The following TBC1D16 variants were observed in gnomAD, a reference collection of about 807,000 sequenced individuals.
TBC1D16 encodes TBC1 domain family member 16, also known as CTD-2529O21.1.
A neutral mutation model predicts 74.7 loss-of-function variants in TBC1D16; 58 were observed. The observed-to-expected ratio is 0.78, with a 90% confidence interval of 0.63 to 0.97. TBC1D16 has a LOEUF of 0.97. Among genes scored for constraint, TBC1D16 ranks in the 50% least tolerant of loss-of-function variants. The pLI is 0.00. For missense variants in TBC1D16, 1,014 were observed against 1,079.5 expected, an observed-to-expected ratio of 0.94 and a Z score of 0.85; for synonymous variants, 493 against 474.7, an observed-to-expected ratio of 1.04 and a Z score of -0.50.
chr17:79,993,975 C>T lies in TBC1D16; in HGVS notation c.779+16185G>A, dbSNP rs1390817259. Among the ~76,000 whole-genome samples the T allele has an allele frequency of 6.6e-6, 1 of 152,142 alleles. No individual in the cohort carries two copies. Among genetic ancestry groups the T allele is most frequent in the Non-Finnish European group, 1.5e-5 (1 of 68,024 alleles). On this transcript the variant is annotated intron_variant, in intron 3 of 11. Transcript: ENST00000310924. The surrounding 1 kb of genome is among the most constrained non-coding windows in gnomAD (Gnocchi z 5.1). ...TGCGGTGGAAAAGGCTGACAAGTTT[C>T]ATTTCCCTGACCTTGGACAGCCCTC... is the stretch of plus-strand genomic sequence containing the variant.
Position 79,956,597 on chromosome 17 carries a change from A to G in TBC1D16, c.780-3779T>C, listed in dbSNP as rs1009628554. On this transcript the variant is annotated intron_variant, in intron 3 of 11. Coordinates refer to ENST00000310924, the MANE Select transcript of TBC1D16 (RefSeq NM_019020.4). The surrounding 1 kb of genome is among the most constrained non-coding windows in gnomAD (Gnocchi z 4.0). ...GCTGAGTTTGAGGGCGGTTTGTTTC[A>G]CAGCAACGGATCACTGACACACGCA... Among the ~76,000 whole-genome samples, 16 of 152,108 alleles carry G rather than the reference A, an allele frequency of 1.1e-4. No homozygotes were observed. Among genetic ancestry groups the G allele is most frequent in the African/African-American group, 3.9e-4 (16 of 41,418 alleles).
intron 9 of TBC1D16, among the ~76,000 whole-genome samples, chr17:79,946,536 G>A (rs1316692289): frequency 6.6e-6 from 1 of 152,116 alleles, no homozygotes; most frequent in East Asian, 1.9e-4. Flanking sequence ...GGGGAACCCC[G>A]TTCTACAAGT....
chr17:80,025,559 G>A (rs2036549293), intron 1 of TBC1D16, among the ~76,000 whole-genome samples: 1 of 149,896 alleles, frequency 6.7e-6, no homozygotes, highest in African/African-American at 2.5e-5. Context: ...CTGGGCTTCG[G>A]GGCCCGCCTG....
chr17:80,028,386 G>A (rs1285596443), intron 1 of TBC1D16, among the ~76,000 whole-genome samples: 1 of 151,858 alleles, frequency 6.6e-6, no homozygotes, highest in Non-Finnish European at 1.5e-5. Context: ...AAAATTAGCT[G>A]AGCATGGTAG....
At position 80,010,854 on chromosome 17, in the gene TBC1D16, C is replaced by T. The variant is rs2144670689; in HGVS notation, c.182-97G>A. ...CGAGCTGCTCGGAGAGGCCACTGCC[C>T]TTTAGTAAAGTGCCAGTCCGGCCTC... On this transcript the variant is annotated intron_variant, in intron 2 of 11. Coordinates refer to ENST00000310924, the MANE Select transcript of TBC1D16 (RefSeq NM_019020.4). The surrounding 1 kb of genome is among the most constrained non-coding windows in gnomAD (Gnocchi z 8.8). 4 of 897,868 alleles carry T rather than the reference C, an allele frequency of 4.5e-6. No homozygotes were observed. Among genetic ancestry groups the T allele is most frequent in the Non-Finnish European group, 6.3e-6 (4 of 630,898 alleles). 55.6% of individuals were successfully genotyped at this position (897,868 alleles called of 1,614,324 possible). A position where few individuals can be genotyped will look rare whatever the true frequency, so the allele number is the denominator to read the frequency against.
At chr17:79,973,403 T>C (rs1231216011) in intron 3 of TBC1D16, among the ~76,000 whole-genome samples, 6 of 151,974 alleles carry the variant, frequency 3.9e-5, no homozygotes, top group Admixed American at 2.6e-4. Context: ...TTAGACCCCG[T>C]CTTTATAAAA....
Position 79,944,947 on chromosome 17 carries a change from TTCGGCC to T in TBC1D16, c.1863_1868del (p.Glu623_Ala624del). On this transcript the variant is annotated inframe_deletion, in exon 10 of 12. Coordinates refer to ENST00000310924, the MANE Select transcript of TBC1D16 (RefSeq NM_019020.4). The surrounding 1 kb of genome is among the most constrained non-coding windows in gnomAD (Gnocchi z 7.7). Reference sequence around the variant, plus strand: ...AGCAGGCCTCCCAGATCCGCAGCGCTTCGGCCTCGGGGAACTCCCGCTTGAAGCACA... The same window carrying T: ...AGCAGGCCTCCCAGATCCGCAGCGCTTCGGGGAACTCCCGCTTGAAGCACA... 1 of 1,554,388 alleles carries T rather than the reference TTCGGCC, an allele frequency of 6.4e-7. No individual in the cohort carries two copies. The highest frequency in any genetic ancestry group is 8.7e-7 in the Non-Finnish European group (1 of 1,148,810).
Position 79,975,036 on chromosome 17 carries a change from G to C in TBC1D16, c.780-22218C>G, listed in dbSNP as rs1228235813. 6.6e-6 allele frequency among the ~76,000 whole-genome samples: 1 copy of C among 152,160 alleles called. No homozygotes were observed. The highest frequency in any genetic ancestry group is 1.9e-4 in the East Asian group (1 of 5,186). ...ATAGGTAAGAAGGCCCAAGGAAGAA[G>C]CCCTCTGCTCCGTCACCTCCTCGCC... is the stretch of plus-strand genomic sequence containing the variant. On this transcript the variant is annotated intron_variant, in intron 3 of 11. Transcript: ENST00000310924. This position sits in a 1 kb window ranked among gnomAD's most constrained non-coding sequence, Gnocchi z 4.5.
intron 1 of TBC1D16, among the ~76,000 whole-genome samples, chr17:80,019,439 ACC>A (rs71163907): frequency 7.4e-6 from 1 of 135,782 alleles, no homozygotes; most frequent in Non-Finnish European, 1.5e-5. Context: ...CACCAGGACA[ACC>A]CCCCCCCGCC....
At chr17:79,970,282 A>G (rs1048988364) in intron 3 of TBC1D16, among the ~76,000 whole-genome samples, 8 of 152,156 alleles carry the variant, frequency 5.3e-5, no homozygotes, top group African/African-American at 1.9e-4. Flanking sequence ...CTGGGGAAGG[A>G]AGGGCTGGGC....
chr17:79,949,875 G>A lies in TBC1D16; in HGVS notation c.1258-10C>T. 6.2e-7 allele frequency: 1 copy of A among 1,610,588 alleles called. No homozygotes were observed. Among genetic ancestry groups the A allele is most frequent in the South Asian group, 1.1e-5 (1 of 90,990 alleles). On this transcript the variant is annotated splice_polypyrimidine_tract_variant and intron_variant, in intron 6 of 11. Coordinates refer to ENST00000310924, the MANE Select transcript of TBC1D16 (RefSeq NM_019020.4). ...CGCCAAAGAAAATGGCCTGGAGGAAGCGGCAAAAGTTGGGGAGGGGATAAA... is the reference window on the plus strand; with the variant it reads ...CGCCAAAGAAAATGGCCTGGAGGAAACGGCAAAAGTTGGGGAGGGGATAAA...
rs181736770 is a variant in TBC1D16, at chr17:79,985,580, G to A, written c.779+24580C>T. ...GCCTGGCACTCACGCTCGGGGTGGG[G>A]GGCATCCCAGGCCCTGAGACTGGTG... is the stretch of plus-strand genomic sequence containing the variant. On this transcript the variant is annotated intron_variant, in intron 3 of 11. Transcript: ENST00000310924. The surrounding 1 kb of genome is among the most constrained non-coding windows in gnomAD (Gnocchi z 4.9). Among the ~76,000 whole-genome samples, 1 of 152,346 alleles carries A rather than the reference G, an allele frequency of 6.6e-6. No individual in the cohort carries two copies. Among genetic ancestry groups the A allele is most frequent in the African/African-American group, 2.4e-5 (1 of 41,582 alleles).
At chr17:79,969,609 T>C (rs1054755176) in intron 3 of TBC1D16, among the ~76,000 whole-genome samples, 1 of 152,122 alleles carries the variant, frequency 6.6e-6, no homozygotes, top group East Asian at 1.9e-4. Context: ...GTGTTAACAT[T>C]TGACCAAGTA....
intron 3 of TBC1D16, among the ~76,000 whole-genome samples, chr17:79,989,224 C>T (rs1296039459): frequency 6.6e-6 from 1 of 152,172 alleles, no homozygotes; most frequent in Non-Finnish European, 1.5e-5. Context: ...AATTGGCCAG[C>T]GCAGGAACTT....
In TBC1D16 at chr17:80,007,697, G is replaced by A. The variant is rs1162113789; in HGVS notation, c.779+2463C>T. ...AAACATATAAGCTGGCCGGTTAGGA[G>A]AGAGGGGAAGGAGGAAGCCTAGGTA... On this transcript the variant is annotated intron_variant, in intron 3 of 11. Coordinates refer to ENST00000310924, the MANE Select transcript of TBC1D16 (RefSeq NM_019020.4). This position sits in a 1 kb window ranked among gnomAD's most constrained non-coding sequence, Gnocchi z 4.5. Among the ~76,000 whole-genome samples, 1 of 152,216 alleles carries A rather than the reference G, an allele frequency of 6.6e-6. No individual in the cohort carries two copies. Among genetic ancestry groups the A allele is most frequent in the Non-Finnish European group, 1.5e-5 (1 of 68,044 alleles).
chr17:79,959,745 CTT>C (rs2033508017), intron 3 of TBC1D16, among the ~76,000 whole-genome samples: 1 of 152,154 alleles, frequency 6.6e-6, no homozygotes, highest in African/African-American at 2.4e-5. Flanking sequence ...GATGTGAAAC[CTT>C]AACTAGGAAA....
rs1356908974 is a variant in TBC1D16 at position 80,009,725 on chromosome 17, C to T, written c.779+435G>A. ...GGAGCTGGAGACCAGCACATCTGGG[C>T]TTGGGCCAGCCCTGTGCGTGAGCCT... On this transcript the variant is annotated intron_variant, in intron 3 of 11. Transcript: ENST00000310924. This position sits in a 1 kb window ranked among gnomAD's most constrained non-coding sequence, Gnocchi z 5.4. Among the ~76,000 whole-genome samples, 1 of 152,222 alleles carries T rather than the reference C, an allele frequency of 6.6e-6. No individual in the cohort carries two copies. The highest frequency in any genetic ancestry group is 2.4e-5 in the African/African-American group (1 of 41,462).
chr17:79,933,377 C>A lies in TBC1D16; in HGVS notation c.*7482G>T, dbSNP rs2031378545. Reference sequence around the variant, plus strand: ...CTGAGTCCCAGCCAAAGCGGCAAAGCCAGACCTCCCGGGATTCCTTGAGTT... The same window carrying A: ...CTGAGTCCCAGCCAAAGCGGCAAAGACAGACCTCCCGGGATTCCTTGAGTT... On this transcript the variant is annotated 3_prime_UTR_variant, in exon 12 of 12. Transcript: ENST00000310924. 6.6e-6 allele frequency: 1 copy of A among 152,204 alleles called. No individual in the cohort carries two copies. The highest frequency in any genetic ancestry group is 1.5e-5 in the Non-Finnish European group (1 of 68,058). The allele number at this position is 152,204 out of a possible 1,614,324, so 9.4% of individuals were successfully genotyped here. A position where few individuals can be genotyped will look rare whatever the true frequency, so the allele number is the denominator to read the frequency against.
chr17:79,995,613 G>A (rs112697047), intron 3 of TBC1D16, among the ~76,000 whole-genome samples: 4,168 of 144,088 alleles, frequency 0.029, 190 homozygotes, highest in African/African-American at 0.095. Context: ...GTGAAACCCC[G>A]TCTCTACTAA....
Sources: gnomAD v4.1 joint callset for allele counts (sites outside exome capture counted in the v4.1 genomes callset) on GRCh38, gnomAD v4.1.1 for gene constraint, Gnocchi (gnomAD v3.1) non-coding constraint, MANE v1.5 for transcripts, NCBI Gene and HGNC (gene_info 2026-07-23, HGNC 2026-07-21) for gene names.